Variants in NMNAT1 observed in about 807,000 individuals in gnomAD.
NMNAT1 encodes the protein nicotinamide/nicotinic acid mononucleotide adenylyltransferase 1.
Under a neutral mutation model 16.7 loss-of-function variants are expected in NMNAT1, and 11 were observed. That is an observed-to-expected ratio of 0.66 (90% CI 0.41 to 1.09). The LOEUF is 1.09. NMNAT1 is among the 50% of genes least tolerant of loss of function. The pLI, the probability that NMNAT1 is intolerant of heterozygous loss-of-function variation, is 0.00. For missense variants in NMNAT1, 280 were observed against 332.3 expected (o/e 0.84, Z 1.22); for synonymous variants, 110 against 119.8 (o/e 0.92, Z 0.53).
At chr1:9,945,413 T>A (rs1640956829) in intron 1 of NMNAT1, among the ~76,000 whole-genome samples, 1 of 151,982 alleles carries the variant, frequency 6.6e-6, no homozygotes, top group Admixed American at 6.6e-5. Flanking sequence ...TTAAAAAAAT[T>A]ATTTGAGCTG....
At chr1:9,960,174 A>C (rs988429968) in intron 1 of NMNAT1, among the ~76,000 whole-genome samples, 1 of 152,140 alleles carries the variant, frequency 6.6e-6, no homozygotes, top group Non-Finnish European at 1.5e-5. Flanking sequence ...AGTACTAGCT[A>C]CTTGGCAGGC....
chr1:9,952,596 G>C (rs1015241395), intron 1 of NMNAT1: 1 of 151,924 alleles, frequency 6.6e-6, no homozygotes, highest in African/African-American at 2.4e-5. Context: ...GGAGTGCAGT[G>C]GCACAATCTC....
At chr1:9,961,901 TG>T (rs1440292699) in intron 1 of NMNAT1, among the ~76,000 whole-genome samples, 1 of 152,022 alleles carries the variant, frequency 6.6e-6, no homozygotes, top group Admixed American at 6.6e-5. Flanking sequence ...CCCAAGTAGC[TG>T]GGATTATGGG....
In NMNAT1 at chr1:9,969,257, A is replaced by G. The variant is rs550602804; in HGVS notation, c.-56-2761A>G. Among the ~76,000 whole-genome samples, 11 of 152,232 alleles carry G rather than the reference A, an allele frequency of 7.2e-5. No homozygotes were observed. In the South Asian group the frequency reaches 2.3e-3, roughly 32 times the overall value. On this transcript the variant is annotated intron_variant, in intron 1 of 4. Transcript: ENST00000377205. Reference sequence around the variant, plus strand: ...GAAGAAACTTTAAAATATATCATGAATATTGGTAGAGAAATAGAGATGATA... The same window carrying G: ...GAAGAAACTTTAAAATATATCATGAGTATTGGTAGAGAAATAGAGATGATA...
chr1:9,974,067 T>C (rs139563086), intron 2 of NMNAT1, among the ~76,000 whole-genome samples: 4 of 152,140 alleles, frequency 2.6e-5, no homozygotes, highest in African/African-American at 9.6e-5. Context: ...TGAACTCCTG[T>C]TCTCAAGTGA....
At chr1:9,954,151 A>G (rs1016889187) in intron 1 of NMNAT1, among the ~76,000 whole-genome samples, 2 of 152,054 alleles carry the variant, frequency 1.3e-5, no homozygotes, top group African/African-American at 4.8e-5. Context: ...TATAATTAAG[A>G]TAGATTAGCT....
At chr1:9,967,703 C>A (rs926645984) in intron 1 of NMNAT1, among the ~76,000 whole-genome samples, 1 of 152,094 alleles carries the variant, frequency 6.6e-6, no homozygotes, top group South Asian at 2.1e-4. Flanking sequence ...CACAGTGGCT[C>A]ATACCTGTAA....
At chr1:9,968,358 C>T (rs1421916805) in intron 1 of NMNAT1, among the ~76,000 whole-genome samples, 2 of 151,114 alleles carry the variant, frequency 1.3e-5, no homozygotes, top group Non-Finnish European at 3.0e-5. Flanking sequence ...AGGCGTGAGC[C>T]GCCGCGCCTG....
At chr1:9,990,052 G>A (rs1048310777), downstream of NMNAT1, among the ~76,000 whole-genome samples, 1 of 152,236 alleles carries the variant, frequency 6.6e-6, no homozygotes, top group Admixed American at 6.5e-5. Flanking sequence ...CGCCAAAGTG[G>A]CTGGCTAGTT....
At chr1:9,967,960 A>G (rs1161617784) in intron 1 of NMNAT1, among the ~76,000 whole-genome samples, 1 of 152,094 alleles carries the variant, frequency 6.6e-6, no homozygotes, top group Admixed American at 6.6e-5. Context: ...TGGACAACAG[A>G]GTGAGATACT....
At chr1:9,972,308 A>C (rs1021782533) in intron 2 of NMNAT1, 120 bp downstream of exon 2, 2 of 654,736 alleles carry the variant, frequency 3.1e-6, no homozygotes, top group African/African-American at 3.6e-5. Flanking sequence ...CAAGAGATCG[A>C]GACCATCCTA....
chr1:9,981,341 TCTC>T, intron 4 of NMNAT1, 171 bp downstream of exon 4: 4 of 1,039,618 alleles, frequency 3.8e-6, no homozygotes, highest in Non-Finnish European at 5.2e-6. Context: ...TTCATGCCAT[TCTC>T]CTGCCTCAGC....
intron 1 of NMNAT1, among the ~76,000 whole-genome samples, chr1:9,969,917 G>A (rs1266241498): frequency 6.6e-6 from 1 of 152,124 alleles, no homozygotes; most frequent in Non-Finnish European, 1.5e-5. Context: ...AAACAAAGCT[G>A]CACTAGAGGA....
chr1:9,966,339 G>A (rs111908489), intron 1 of NMNAT1, among the ~76,000 whole-genome samples: 12,643 of 145,184 alleles, frequency 0.087, 672 homozygotes, highest in Middle Eastern at 0.13. Context: ...TTGACCGGGC[G>A]CGGTGGCTCA....
the NMNAT1 span, among the ~76,000 whole-genome samples, chr1:9,991,715 T>C: frequency 6.6e-6 from 1 of 151,406 alleles, no homozygotes; most frequent in Non-Finnish European, 1.5e-5. Flanking sequence ...AGGCAGTCAA[T>C]AAAAAAGAAA....
chr1:9,956,151 C>T (rs1161507293), intron 1 of NMNAT1, among the ~76,000 whole-genome samples: 3 of 150,756 alleles, frequency 2.0e-5, no homozygotes, highest in East Asian at 1.9e-4. Context: ...AAATAAATAA[C>T]GTTTACCATG....
intron 1 of NMNAT1, among the ~76,000 whole-genome samples, chr1:9,946,319 A>G (rs1383660057): frequency 3.3e-5 from 5 of 152,244 alleles, no homozygotes; most frequent in Non-Finnish European, 5.9e-5. Context: ...CAGAGAAGAA[A>G]CTGGAGAAAG....
In NMNAT1 at chr1:9,977,665, A is replaced by T. The variant is rs958256676; in HGVS notation, c.299+1890A>T. ...GCAGATCACCTGAGTCCAGTAGTTCAAGACAAGCCTGGCCAACATGGTGAA... is the reference window on the plus strand; with the variant it reads ...GCAGATCACCTGAGTCCAGTAGTTCTAGACAAGCCTGGCCAACATGGTGAA... On this transcript the variant is annotated intron_variant, in intron 3 of 4. Coordinates refer to ENST00000377205, the MANE Select transcript of NMNAT1 (RefSeq NM_022787.4). 3.3e-5 allele frequency among the ~76,000 whole-genome samples: 5 copies of T among 151,744 alleles called. 1 individual carries two copies.
At chr1:9,975,437 G>T (rs1641784047) in intron 2 of NMNAT1, among the ~76,000 whole-genome samples, 155 bp from the exon 3 acceptor site, 1 of 152,148 alleles carries the variant, frequency 6.6e-6, no homozygotes, top group South Asian at 2.1e-4. Context: ...GGAGGCGGAG[G>T]TTGCAGTGAG....
Sources: gnomAD v4.1 joint callset for allele counts (sites outside exome capture counted in the v4.1 genomes callset) on GRCh38, gnomAD v4.1.1 for gene constraint, MANE v1.5 for transcripts, NCBI Gene and HGNC (gene_info 2026-07-23, HGNC 2026-07-21) for gene names.